WWOX: variants seen among roughly 807,000 people sequenced by gnomAD.
WWOX encodes the protein WW domain containing oxidoreductase, also known as WW domain-containing oxidoreductase.
A neutral mutation model predicts 46.2 loss-of-function variants in WWOX; 69 were observed. The ratio of observed to expected loss-of-function variants is 1.49; its 90% CI spans 1.23 to 1.82. WWOX has a LOEUF of 1.82. Ranked by LOEUF, WWOX falls within the 40% of genes most tolerant of loss-of-function variation. WWOX has a pLI of 0.00. For missense variants in WWOX, 919 were observed against 542.6 expected (o/e 1.69, Z -6.89); for synonymous variants, 359 against 202.6 (o/e 1.77, Z -6.56).
At chr16:78,939,510 A>G (rs769232031) in intron 8 of WWOX, among the ~76,000 whole-genome samples, 4 of 152,236 alleles carry the variant, frequency 2.6e-5, no homozygotes, top group Admixed American at 2.0e-4. Context: ...TTTCAAGTCT[A>G]GTCTGATGAA....
intron 8 of WWOX, among the ~76,000 whole-genome samples, chr16:78,550,066 T>G (rs1219486279): frequency 1.3e-5 from 2 of 152,220 alleles, no homozygotes; most frequent in Non-Finnish European, 2.9e-5. Flanking sequence ...AGTTACCTGG[T>G]AGGGATTTAA....
At chr16:78,476,685 G>C (rs922213661) in intron 8 of WWOX, among the ~76,000 whole-genome samples, 1 of 152,058 alleles carries the variant, frequency 6.6e-6, no homozygotes. Context: ...CATGATCACA[G>C]AGGATGAAAA....
chr16:79,007,403 C>T (rs1305310891), intron 8 of WWOX, among the ~76,000 whole-genome samples: 1 of 152,130 alleles, frequency 6.6e-6, no homozygotes, highest in African/African-American at 2.4e-5. Context: ...GGCCCTGAGA[C>T]ACTCAGAGAA....
intron 7 of WWOX, among the ~76,000 whole-genome samples, chr16:78,431,556 A>G (rs1256274360): frequency 6.6e-6 from 1 of 152,128 alleles, no homozygotes; most frequent in African/African-American, 2.4e-5. Flanking sequence ...TTTTCTGTTT[A>G]ATTTAATTAT....
intron 8 of WWOX, among the ~76,000 whole-genome samples, chr16:78,702,645 A>C (rs1215218247): frequency 6.8e-6 from 1 of 146,026 alleles, no homozygotes; most frequent in African/African-American, 2.5e-5. Context: ...ACAGAGCAAG[A>C]CTCTGTCTCA....
chr16:78,409,613 T>C (rs984612352), intron 6 of WWOX, among the ~76,000 whole-genome samples: 1 of 152,210 alleles, frequency 6.6e-6, no homozygotes, highest in African/African-American at 2.4e-5. Context: ...GCTGTTGTAA[T>C]AAATTACCAC....
At chr16:79,046,805 G>C (rs1396308967) in intron 8 of WWOX, among the ~76,000 whole-genome samples, 1 of 152,070 alleles carries the variant, frequency 6.6e-6, no homozygotes, top group African/African-American at 2.4e-5. Context: ...TGTCCCCCAG[G>C]CCTGCACTAC....
intron 8 of WWOX, among the ~76,000 whole-genome samples, chr16:78,952,569 G>C (rs1309081679): frequency 6.6e-6 from 1 of 151,968 alleles, no homozygotes; most frequent in Non-Finnish European, 1.5e-5. Context: ...TTTTAGTAGA[G>C]ACGGGGTTTC....
chr16:78,774,452 G>A (rs1303898705), intron 8 of WWOX, among the ~76,000 whole-genome samples: 1 of 152,106 alleles, frequency 6.6e-6, no homozygotes, highest in Non-Finnish European at 1.5e-5. Context: ...CCACGTTGGT[G>A]TGTCTCATGT....
intron 5 of WWOX, among the ~76,000 whole-genome samples, chr16:78,381,141 T>A (rs2081948093): frequency 6.6e-6 from 1 of 152,186 alleles, no homozygotes; most frequent in Non-Finnish European, 1.5e-5. Flanking sequence ...TATCTCCCCA[T>A]TTCTCTGTTT....
At chr16:78,281,641 G>T (rs1241177994) in intron 5 of WWOX, among the ~76,000 whole-genome samples, 1 of 152,134 alleles carries the variant, frequency 6.6e-6, no homozygotes, top group Non-Finnish European at 1.5e-5. Context: ...AAAGGAGCAG[G>T]CATGGCTGCG....
intron 4 of WWOX, among the ~76,000 whole-genome samples, chr16:78,119,460 C>T (rs535090473): frequency 1.3e-5 from 2 of 152,150 alleles, no homozygotes; most frequent in African/African-American, 2.4e-5. Context: ...CAGGATCCTT[C>T]TAATGAGGGA....
At chr16:79,001,169 A>G (rs1044370173) in intron 8 of WWOX, among the ~76,000 whole-genome samples, 2 of 152,228 alleles carry the variant, frequency 1.3e-5, no homozygotes, top group Non-Finnish European at 2.9e-5. Context: ...TTGCTGCTGA[A>G]TGCACTTTTG....
chr16:79,108,651 T>C lies in WWOX; in HGVS notation c.1057-102957T>C, dbSNP rs369548362. Among the ~76,000 whole-genome samples, 6 of 152,292 alleles carry C rather than the reference T, an allele frequency of 3.9e-5. No individual in the cohort carries two copies. The East Asian group carries it at 9.7e-4, about 25-fold the overall frequency. ...GCATGGTGGCTCAAGCCTGTAATCC[T>C]AGCACTTTGAGAGGCTGAGGCAGGA... is the stretch of plus-strand genomic sequence containing the variant. On this transcript the variant is annotated intron_variant, in intron 8 of 8. Coordinates refer to ENST00000566780, the MANE Select transcript of WWOX (RefSeq NM_016373.4).
At chr16:78,944,590 G>A (rs1236067308) in intron 8 of WWOX, among the ~76,000 whole-genome samples, 1 of 152,138 alleles carries the variant, frequency 6.6e-6, no homozygotes, top group African/African-American at 2.4e-5. Flanking sequence ...TCTGAATTGA[G>A]TGACTCTTTC....
In WWOX at chr16:78,495,191, A is replaced by C. The variant is rs2084886148; in HGVS notation, c.1056+62439A>C. 5.0e-5 allele frequency among the ~76,000 whole-genome samples: 6 copies of C among 120,546 alleles called. No individual in the cohort carries two copies. The South Asian group carries it at 1.7e-3, about 34-fold the overall frequency. 79.1% of individuals were successfully genotyped at this position (120,546 alleles called of 152,430 possible). ...GACTCTTGCCTGTCGCCCAGGTTGC[A>C]GTGCGGTGGCATGATCTCGGCTCAC... is the stretch of plus-strand genomic sequence containing the variant. On this transcript the variant is annotated intron_variant, in intron 8 of 8. Transcript: ENST00000566780.
intron 8 of WWOX, among the ~76,000 whole-genome samples, chr16:78,599,112 C>T (rs1341256929): frequency 6.6e-6 from 1 of 152,024 alleles, no homozygotes; most frequent in Non-Finnish European, 1.5e-5. Flanking sequence ...CCAGCTCAAG[C>T]TGCTCTCAGC....
Position 78,472,270 on chromosome 16 carries a change from A to G in WWOX, c.1056+39518A>G, listed in dbSNP as rs547624653. ...CTTAATGATGGAATGACTAACGAGG[A>G]TCAGAGGGAATGTGGTCAGCCTCTT... On this transcript the variant is annotated intron_variant, in intron 8 of 8. Transcript: ENST00000566780. 1.6e-3 allele frequency among the ~76,000 whole-genome samples: 246 copies of G among 152,302 alleles called. 1 individual carries two copies. Among genetic ancestry groups the G allele is most frequent in the African/African-American group, 5.7e-3 (238 of 41,560 alleles).
At chr16:78,439,775 G>T (rs540532046) in intron 8 of WWOX, among the ~76,000 whole-genome samples, 8 of 152,324 alleles carry the variant, frequency 5.3e-5, no homozygotes, top group African/African-American at 1.7e-4. Context: ...GGCAGCAAGG[G>T]TTGTGTTTGG....
Sources: gnomAD v4.1 joint callset for allele counts (sites outside exome capture counted in the v4.1 genomes callset) on GRCh38, gnomAD v4.1.1 for gene constraint, MANE v1.5 for transcripts, NCBI Gene and HGNC (gene_info 2026-07-23, HGNC 2026-07-21) for gene names.